RPS6KC1: variants seen among roughly 807,000 people sequenced by gnomAD.
The protein encoded by RPS6KC1 is ribosomal protein S6 kinase C1, also known as inactive ribosomal protein S6 kinase delta-1.
Under a neutral mutation model 103.8 loss-of-function variants are expected in RPS6KC1, and 54 were observed. That is an observed-to-expected ratio of 0.52 (90% CI 0.42 to 0.65). The LOEUF (loss-of-function observed/expected upper bound fraction) is 0.65, where lower values mean the gene tolerates loss of function less well. Among genes scored for constraint, RPS6KC1 ranks in the 30% least tolerant of loss-of-function variants. RPS6KC1 has a pLI of 0.00. For missense variants in RPS6KC1, 1,151 were observed against 1,253.8 expected, an observed-to-expected ratio of 0.92 and a Z score of 1.24; for synonymous variants, 439 against 438.7, an observed-to-expected ratio of 1.00 and a Z score of -0.01.
the RPS6KC1 span, among the ~76,000 whole-genome samples, chr1:213,706,056 G>A: frequency 7.9e-5 from 12 of 152,170 alleles, no homozygotes; most frequent in African/African-American, 2.7e-4. Flanking sequence ...GGGGTTGGGG[G>A]AAGAATGATG....
At chr1:213,455,543 A>G in the RPS6KC1 span, among the ~76,000 whole-genome samples, 221 of 152,308 alleles carry the variant, frequency 1.5e-3, no homozygotes, top group Non-Finnish European at 2.1e-3. Context: ...AGTTGAGTGG[A>G]TGAGGTTCTA....
chr1:213,226,668 C>A (rs2093970978), intron 8 of RPS6KC1, among the ~76,000 whole-genome samples: 1 of 152,108 alleles, frequency 6.6e-6, no homozygotes, highest in Non-Finnish European at 1.5e-5. Context: ...GTACAGTGAA[C>A]TGTACAATGC....
chr1:213,789,466 G>T, the RPS6KC1 span, among the ~76,000 whole-genome samples: 2 of 152,210 alleles, frequency 1.3e-5, no homozygotes, highest in Non-Finnish European at 2.9e-5. Context: ...TTGAACCAAA[G>T]TTCCTATGCC....
chr1:213,448,526 C>T, the RPS6KC1 span, among the ~76,000 whole-genome samples: 94 of 152,198 alleles, frequency 6.2e-4, no homozygotes, highest in Middle Eastern at 0.017. Flanking sequence ...CAAGCCTGGG[C>T]GGGTCTTCGT....
the RPS6KC1 span, among the ~76,000 whole-genome samples, chr1:213,586,116 C>T: frequency 5.9e-5 from 9 of 152,342 alleles, no homozygotes; most frequent in Non-Finnish European, 1.0e-4. Context: ...CCTCCCCTCC[C>T]GTTTGCCATC....
At chr1:213,064,676 C>CTTTTTTTTT (rs34472724) in intron 1 of RPS6KC1, among the ~76,000 whole-genome samples, 1 of 104,880 alleles carries the variant, frequency 9.5e-6, no homozygotes, top group Non-Finnish European at 1.8e-5. Flanking sequence ...CCTTTGTGAA[C>CTTTTTTTTT]TTTTTTTTTT....
intron 3 of RPS6KC1, among the ~76,000 whole-genome samples, chr1:213,103,883 A>G (rs1175426458): frequency 2.6e-5 from 4 of 152,212 alleles, no homozygotes; most frequent in Admixed American, 6.5e-5. Context: ...TGTAAAGCAG[A>G]ACTCACTGGT....
chr1:213,801,668 A>G, the RPS6KC1 span, among the ~76,000 whole-genome samples: 1 of 152,140 alleles, frequency 6.6e-6, no homozygotes, highest in Admixed American at 6.6e-5. Flanking sequence ...CAGTTCTCCT[A>G]GAAGAAACTC....
chr1:213,079,734 G>A (rs1254308676), intron 3 of RPS6KC1, among the ~76,000 whole-genome samples: 1 of 151,708 alleles, frequency 6.6e-6, no homozygotes, highest in African/African-American at 2.4e-5. Context: ...TTTTAAAGAG[G>A]CATGTGGCTA....
At chr1:213,358,046 T>C in the RPS6KC1 span, among the ~76,000 whole-genome samples, 2 of 152,368 alleles carry the variant, frequency 1.3e-5, no homozygotes, top group South Asian at 2.1e-4. Flanking sequence ...CAGTATTTTA[T>C]TGAGGATTTT....
chr1:213,236,810 T>C (rs1011643090), intron 10 of RPS6KC1, among the ~76,000 whole-genome samples: 6 of 152,130 alleles, frequency 3.9e-5, no homozygotes, highest in African/African-American at 1.2e-4. Context: ...AGAAAGGAGG[T>C]AGAAAAGAAT....
At chr1:213,546,659 TA>T in the RPS6KC1 span, among the ~76,000 whole-genome samples, 5 of 151,482 alleles carry the variant, frequency 3.3e-5, no homozygotes, top group African/African-American at 9.7e-5. Flanking sequence ...TGCATTATTT[TA>T]AAAAAAAATT....
At chr1:213,239,504 CAAAAT>C (rs1465525852) in intron 10 of RPS6KC1, among the ~76,000 whole-genome samples, 1 of 152,146 alleles carries the variant, frequency 6.6e-6, no homozygotes, top group Non-Finnish European at 1.5e-5. Flanking sequence ...TTGAATTTCT[CAAAAT>C]GAAATGTGAA....
the RPS6KC1 span, among the ~76,000 whole-genome samples, chr1:213,614,237 A>T: frequency 6.6e-6 from 1 of 152,204 alleles, no homozygotes; most frequent in Non-Finnish European, 1.5e-5. Flanking sequence ...TGGGATCCCC[A>T]TTCTAGTTTC....
At chr1:213,608,964 CATTT>C in the RPS6KC1 span, among the ~76,000 whole-genome samples, 1 of 152,194 alleles carries the variant, frequency 6.6e-6, no homozygotes, top group Non-Finnish European at 1.5e-5. Context: ...TATTTGTCGA[CATTT>C]ATAATTTTTT....
the RPS6KC1 span, among the ~76,000 whole-genome samples, chr1:213,799,647 G>A: frequency 2.6e-5 from 4 of 152,228 alleles, no homozygotes; most frequent in Non-Finnish European, 5.9e-5. Context: ...CCATTCAGCT[G>A]TGCTCATTTG....
chr1:213,824,357 CA>C, the RPS6KC1 span, among the ~76,000 whole-genome samples: 1 of 152,220 alleles, frequency 6.6e-6, no homozygotes, highest in South Asian at 2.1e-4. Context: ...TCCTCTCCCT[CA>C]TCCTCCCTTG....
the RPS6KC1 span, among the ~76,000 whole-genome samples, chr1:213,687,029 T>C: frequency 6.6e-6 from 1 of 150,902 alleles, no homozygotes; most frequent in Non-Finnish European, 1.5e-5. Context: ...TTATCATTAG[T>C]ATATAATGAG....
At chr1:213,312,488 C>T in the RPS6KC1 span, among the ~76,000 whole-genome samples, 3 of 152,152 alleles carry the variant, frequency 2.0e-5, no homozygotes, top group Non-Finnish European at 4.4e-5. Flanking sequence ...AGCTCTGGTC[C>T]CCTTCTCCAC....
Sources: gnomAD v4.1 joint callset for allele counts (sites outside exome capture counted in the v4.1 genomes callset) on GRCh38, gnomAD v4.1.1 for gene constraint, MANE v1.5 for transcripts, NCBI Gene and HGNC (gene_info 2026-07-23, HGNC 2026-07-21) for gene names.